Variants in EFNA5 observed in about 807,000 individuals in gnomAD.
The protein encoded by EFNA5 is ephrin-A5.
Under a neutral mutation model 22.9 loss-of-function variants are expected in EFNA5, and 5 were observed. That is an observed-to-expected ratio of 0.22 (90% CI 0.11 to 0.46). EFNA5 has a LOEUF of 0.46. Ranked by LOEUF, EFNA5 falls within the 20% of genes least tolerant of loss-of-function variation. EFNA5 has a pLI of 0.99. For synonymous variants in EFNA5, 113 were observed against 112.2 expected (o/e 1.01, Z -0.04); for missense variants, 237 against 293.3 (o/e 0.81, Z 1.40).
intron 2 of EFNA5, among the ~76,000 whole-genome samples, chr5:107,407,981 T>C (rs1748266830): frequency 6.6e-6 from 1 of 152,152 alleles, no homozygotes; most frequent in Non-Finnish European, 1.5e-5. Context: ...TGATTCTATT[T>C]CCAGAAAGCA....
At chr5:107,457,206 G>A (rs542949457) in intron 1 of EFNA5, among the ~76,000 whole-genome samples, 1 of 152,216 alleles carries the variant, frequency 6.6e-6, no homozygotes, top group South Asian at 2.1e-4. Context: ...CTCGCACAAT[G>A]TTTTTTGCTT....
intron 2 of EFNA5, among the ~76,000 whole-genome samples, chr5:107,409,017 A>G (rs1182244461): frequency 6.6e-6 from 1 of 152,244 alleles, no homozygotes; most frequent in Non-Finnish European, 1.5e-5. Context: ...CCAAGGTGAT[A>G]AACTCCACAT....
In EFNA5 at chr5:107,589,318, T is replaced by C. The variant is rs115045156; in HGVS notation, c.125+81171A>G. On this transcript the variant is annotated intron_variant, in intron 1 of 4. Coordinates refer to ENST00000333274, the MANE Select transcript of EFNA5 (RefSeq NM_001962.3). ...AAAGAACCAGAATTGGTCATTTGAG[T>C]TTCATTCCCAGATCCTTTTCTATTC... 3.5e-3 allele frequency among the ~76,000 whole-genome samples: 535 copies of C among 152,180 alleles called. 4 individuals carry two copies. The highest frequency in any genetic ancestry group is 0.012 in the African/African-American group (515 of 41,520).
At chr5:107,471,368 T>G (rs773082796) in intron 1 of EFNA5, among the ~76,000 whole-genome samples, 1 of 152,182 alleles carries the variant, frequency 6.6e-6, no homozygotes, top group Non-Finnish European at 1.5e-5. Context: ...TTTCATTACC[T>G]TCATAGCCCA....
intron 1 of EFNA5, among the ~76,000 whole-genome samples, chr5:107,521,600 C>A (rs575391068): frequency 1.3e-5 from 2 of 151,608 alleles, no homozygotes; most frequent in African/African-American, 2.4e-5. Flanking sequence ...CATGAGCCAC[C>A]AAGTACTAGT....
intron 1 of EFNA5, among the ~76,000 whole-genome samples, chr5:107,586,178 T>C (rs764152051): frequency 2.6e-5 from 4 of 152,210 alleles, no homozygotes; most frequent in African/African-American, 4.8e-5. Flanking sequence ...TATTCAATCA[T>C]GCTCAATTAA....
intron 1 of EFNA5, among the ~76,000 whole-genome samples, chr5:107,447,979 T>C (rs533485466): frequency 7.2e-5 from 11 of 152,172 alleles, no homozygotes; most frequent in African/African-American, 9.6e-5. Flanking sequence ...CCCGAGTAGC[T>C]GGGATTACAG....
intron 1 of EFNA5, among the ~76,000 whole-genome samples, chr5:107,655,383 A>G (rs1284570534): frequency 6.6e-6 from 1 of 152,174 alleles, no homozygotes; most frequent in South Asian, 2.1e-4. Flanking sequence ...TAGCTTTCCT[A>G]TGAGCACAGC....
chr5:107,536,955 A>T (rs1049575396), intron 1 of EFNA5, among the ~76,000 whole-genome samples: 3 of 151,644 alleles, frequency 2.0e-5, no homozygotes, highest in African/African-American at 7.3e-5. Flanking sequence ...CAATATAAAA[A>T]TTAGCTGGGT....
intron 1 of EFNA5, among the ~76,000 whole-genome samples, chr5:107,667,267 A>G (rs1751096994): frequency 6.6e-6 from 1 of 152,118 alleles, no homozygotes; most frequent in Admixed American, 6.5e-5. Context: ...TTGGTCCCCT[A>G]TCCAATAAAT....
chr5:107,636,732 T>C (rs1028449553), intron 1 of EFNA5, among the ~76,000 whole-genome samples: 155 of 152,320 alleles, frequency 1.0e-3, no homozygotes, highest in African/African-American at 3.5e-3. Flanking sequence ...ACACTTCCTC[T>C]ATTAAAGCTA....
intron 1 of EFNA5, among the ~76,000 whole-genome samples, chr5:107,560,329 A>C (rs1748508387): frequency 1.3e-5 from 2 of 152,248 alleles, no homozygotes; most frequent in Non-Finnish European, 1.5e-5. Context: ...GGAGAAGAAA[A>C]GAAGAAAAAT....
chr5:107,421,876 C>T (rs1181942784), intron 2 of EFNA5, among the ~76,000 whole-genome samples: 1 of 151,742 alleles, frequency 6.6e-6, no homozygotes, highest in Admixed American at 6.6e-5. Context: ...ACTGCAACCT[C>T]CGCCTCCCAG....
chr5:107,402,673 A>T (rs566951101), intron 2 of EFNA5, among the ~76,000 whole-genome samples: 1 of 152,338 alleles, frequency 6.6e-6, no homozygotes, highest in East Asian at 1.9e-4. Context: ...ATTGATAGCA[A>T]CAGGGGGAAA....
At chr5:107,562,280 A>G (rs1002344139) in intron 1 of EFNA5, among the ~76,000 whole-genome samples, 3 of 152,146 alleles carry the variant, frequency 2.0e-5, no homozygotes, top group African/African-American at 7.2e-5. Flanking sequence ...AGTGAAGTGA[A>G]GCCCGCCTTT....
Position 107,586,998 on chromosome 5 carries a change from C to A in EFNA5, c.125+83491G>T, listed in dbSNP as rs186977607. Among the ~76,000 whole-genome samples, 10 of 152,282 alleles carry A rather than the reference C, an allele frequency of 6.6e-5. No individual in the cohort carries two copies. In the East Asian group the frequency reaches 1.9e-3, roughly 29 times the overall value. ...TCAACTAGATTATTTTCTATGGAAT[C>A]TTCCCAGATCCATGAATCACTGCAC... is the stretch of plus-strand genomic sequence containing the variant. On this transcript the variant is annotated intron_variant, in intron 1 of 4. Coordinates refer to ENST00000333274, the MANE Select transcript of EFNA5 (RefSeq NM_001962.3).
chr5:107,498,411 A>T (rs1185623887), intron 1 of EFNA5, among the ~76,000 whole-genome samples: 3 of 152,190 alleles, frequency 2.0e-5, no homozygotes, highest in Non-Finnish European at 4.4e-5. Context: ...ATTCATGCAT[A>T]TTATACCAAC....
chr5:107,386,192 G>T (rs1225406010), intron 4 of EFNA5, among the ~76,000 whole-genome samples: 2 of 151,698 alleles, frequency 1.3e-5, no homozygotes, highest in Admixed American at 1.3e-4. Context: ...ACATAAGGGG[G>T]CTCAAATCTC....
At chr5:107,410,019 ATTCTTTT>A (rs1308413729) in intron 2 of EFNA5, among the ~76,000 whole-genome samples, 1 of 128,544 alleles carries the variant, frequency 7.8e-6, no homozygotes, top group Non-Finnish European at 1.6e-5. Flanking sequence ...AAGTGACATG[ATTCTTTT>A]TTTTTTTTTT....
Sources: allele counts gnomAD v4.1 joint callset (sites outside exome capture counted in the v4.1 genomes callset), GRCh38; gene constraint gnomAD v4.1.1; transcripts MANE v1.5; gene names NCBI Gene and HGNC (gene_info 2026-07-23, HGNC 2026-07-21).